Variants in BAZ1A observed in about 807,000 individuals in gnomAD.
BAZ1A encodes the protein bromodomain adjacent to zinc finger domain 1A.
BAZ1A carries 50 observed loss-of-function variants against 185.2 expected under a neutral mutation model. That is an observed-to-expected ratio of 0.27 (90% confidence interval 0.22 to 0.34). BAZ1A has a LOEUF of 0.34. Ranked by LOEUF, BAZ1A falls within the 10% of genes least tolerant of loss-of-function variation. BAZ1A has a pLI of 1.00. For missense variants in BAZ1A, 1,356 were observed against 1,839.9 expected (o/e 0.74, Z 4.81); for synonymous variants, 571 against 615.6 (o/e 0.93, Z 1.07).
intron 3 of BAZ1A, among the ~76,000 whole-genome samples, chr14:34,829,000 G>A (rs542200012): frequency 3.3e-5 from 5 of 152,266 alleles, no homozygotes; most frequent in South Asian, 2.1e-4. Flanking sequence ...CCATTTGCAC[G>A]CCTGCAATCC....
intron 3 of BAZ1A, among the ~76,000 whole-genome samples, chr14:34,841,015 C>T (rs1236215988): frequency 6.6e-6 from 1 of 151,932 alleles, no homozygotes; most frequent in East Asian, 1.9e-4. Flanking sequence ...ATGGCGCAAT[C>T]TTGGCTCACT....
chr14:34,772,595 T>A (rs547734169), intron 20 of BAZ1A, among the ~76,000 whole-genome samples: 1 of 152,248 alleles, frequency 6.6e-6, no homozygotes, highest in Non-Finnish European at 1.5e-5. Context: ...ATATAGATTC[T>A]GATTAGTAAT....
chr14:34,759,122 T>G (rs533495945), intron 24 of BAZ1A, among the ~76,000 whole-genome samples: 1 of 151,452 alleles, frequency 6.6e-6, no homozygotes, highest in African/African-American at 2.4e-5. Flanking sequence ...AACACAAAAG[T>G]TTTTGGATTA....
intron 3 of BAZ1A, among the ~76,000 whole-genome samples, chr14:34,844,205 CAAAAAAAAAAAAAA>C (rs71121227): frequency 0.62 from 68,665 of 111,582 alleles, 18,353 homozygotes; most frequent in South Asian, 0.69. Flanking sequence ...GACTCCGTCT[CAAAAAAAAAAAAAA>C]AAAAAAAAAA....
chr14:34,832,191 T>TC (rs2042253109), intron 3 of BAZ1A, among the ~76,000 whole-genome samples: 1 of 96,564 alleles, frequency 1.0e-5, no homozygotes. Context: ...TATATACATA[T>TC]ACACACACAC....
chr14:34,825,898 A>AC, intron 4 of BAZ1A, 115 bp downstream of exon 4: 1 of 1,040,938 alleles, frequency 9.6e-7, no homozygotes, highest in Non-Finnish European at 1.3e-6. Context: ...AGATCGAGCC[A>AC]CTGTACTCCA....
intron 17 of BAZ1A, among the ~76,000 whole-genome samples, chr14:34,777,723 G>A (rs1008047755): frequency 2.6e-5 from 4 of 151,792 alleles, no homozygotes; most frequent in African/African-American, 4.8e-5. Flanking sequence ...CAGGCACAGT[G>A]GCTTACATCT....
rs771616934 is a variant in BAZ1A, at chr14:34,783,211, T to C, written c.2019A>G (p.Glu673=). Residue 673 remains glutamate, a synonymous_variant, in exon 16 of 27, where the codon GAA becomes GAG. Coordinates refer to ENST00000360310, the MANE Select transcript of BAZ1A (RefSeq NM_013448.3). ...AAARIRKRKE[E]KLKEQEQKMK... ...TTTTTTGTTCTTGCTCCTTAAGTTT[T>C]TCTTCCTTCCTTTTACGAATTCTAA... The C allele has an allele frequency of 1.3e-6, 2 of 1,597,672 alleles. No individual in the cohort carries two copies. Among genetic ancestry groups the C allele is most frequent in the Non-Finnish European group, 1.7e-6 (2 of 1,169,246 alleles).
chr14:34,850,837 C>T (rs903607880), intron 3 of BAZ1A, among the ~76,000 whole-genome samples: 3 of 152,010 alleles, frequency 2.0e-5, no homozygotes, highest in Admixed American at 6.6e-5. Flanking sequence ...TTCACAGACC[C>T]GGAAGATATC....
intron 21 of BAZ1A, chr14:34,768,757 GATCCTT>G (rs1194094880): frequency 2.6e-6 from 1 of 388,980 alleles, no homozygotes; most frequent in Non-Finnish European, 5.1e-6. Flanking sequence ...TCTCCCTTTT[GATCCTT>G]ATTAATTTCT....
At position 34,826,114 on chromosome 14, in the gene BAZ1A, T is replaced by C. The variant is rs138598737; in HGVS notation, c.435A>G (p.Gln145=). The change falls in exon 4 of 27, where the codon CAA becomes CAG. Residue 145 remains glutamine, a synonymous_variant. Transcript: ENST00000360310. ...TAACATGTCCATTAGCAAAACCATT[T>C]TGATGTGATGGAGGGAGGACTTCCA... ...RILEVLPPSH[Q]NGFANGHVNS... 1 of 1,612,768 alleles carries C rather than the reference T, an allele frequency of 6.2e-7. No individual in the cohort carries two copies. The highest frequency in any genetic ancestry group is 1.3e-5 in the African/African-American group (1 of 74,884).
At chr14:34,764,644 G>C in intron 23 of BAZ1A, 63 bp downstream of exon 23, 1 of 1,541,360 alleles carries the variant, frequency 6.5e-7, no homozygotes, top group Admixed American at 2.0e-5. Flanking sequence ...ATTTGTATTT[G>C]AATAGTGGAG....
intron 3 of BAZ1A, among the ~76,000 whole-genome samples, chr14:34,856,280 C>T (rs1307398786): frequency 4.2e-5 from 6 of 144,364 alleles, no homozygotes; most frequent in African/African-American, 1.5e-4. Context: ...TAACTGAACT[C>T]AAGAGCATCT....
intron 3 of BAZ1A, among the ~76,000 whole-genome samples, chr14:34,836,833 A>T (rs1370973862): frequency 6.6e-6 from 1 of 152,050 alleles, no homozygotes; most frequent in African/African-American, 2.4e-5. Context: ...AGTGTGAATT[A>T]TGTCAATTAC....
intron 2 of BAZ1A, among the ~76,000 whole-genome samples, chr14:34,870,802 T>C (rs981850484): frequency 1.3e-5 from 2 of 152,236 alleles, no homozygotes; most frequent in Non-Finnish European, 2.9e-5. Flanking sequence ...CACCGTAATC[T>C]TGGATTTACT....
At chr14:34,850,180 C>T (rs1000547161) in intron 3 of BAZ1A, among the ~76,000 whole-genome samples, 3 of 152,166 alleles carry the variant, frequency 2.0e-5, no homozygotes, top group African/African-American at 7.2e-5. Context: ...GAGTTTGAGA[C>T]CAGCCTGGGC....
chr14:34,803,155 C>T (rs1054640010), intron 6 of BAZ1A, among the ~76,000 whole-genome samples, 167 bp from the exon 7 acceptor site: 3 of 151,936 alleles, frequency 2.0e-5, no homozygotes, highest in South Asian at 2.1e-4. Context: ...CCGAGGCGGG[C>T]GGATCATGAG....
chr14:34,809,426 T>G (rs777933148), intron 5 of BAZ1A, among the ~76,000 whole-genome samples: 10 of 152,214 alleles, frequency 6.6e-5, no homozygotes, highest in Non-Finnish European at 1.5e-4. Context: ...TCTAGCTACA[T>G]TTCAAATGCT....
chr14:34,862,950 G>A (rs892478350), intron 2 of BAZ1A, among the ~76,000 whole-genome samples: 13 of 149,702 alleles, frequency 8.7e-5, no homozygotes, highest in Non-Finnish European at 1.8e-4. Flanking sequence ...TCCTTAATAC[G>A]CGCATTTACC....
Sources: allele counts gnomAD v4.1 joint callset (sites outside exome capture counted in the v4.1 genomes callset), GRCh38; gene constraint gnomAD v4.1.1; transcripts MANE v1.5; gene names NCBI Gene and HGNC (gene_info 2026-07-23, HGNC 2026-07-21).